KIAA1958: variants seen among roughly 807,000 people sequenced by gnomAD.
KIAA1958 encodes the protein KIAA1958.
KIAA1958 carries 14 observed loss-of-function variants against 47.2 expected under a neutral mutation model. That is an observed-to-expected ratio of 0.30 (90% CI 0.20 to 0.46). KIAA1958 has a LOEUF of 0.46. Among genes scored for constraint, KIAA1958 ranks in the 20% least tolerant of loss-of-function variants. The pLI is 1.00. For missense variants in KIAA1958, 803 were observed against 909.2 expected (o/e 0.88, Z 1.50); for synonymous variants, 354 against 353.3 (o/e 1.00, Z -0.02).
chr9:112,668,229 T>C lies in KIAA1958; in HGVS notation c.*8160T>C, dbSNP rs974428121. The C allele has an allele frequency of 6.6e-6, 1 of 152,110 alleles. No homozygotes were observed. Among genetic ancestry groups the C allele is most frequent in the African/African-American group, 2.4e-5 (1 of 41,402 alleles). 9.4% of individuals were successfully genotyped at this position (152,110 alleles called of 1,614,324 possible). On this transcript the variant is annotated 3_prime_UTR_variant, in exon 4 of 4. Transcript: ENST00000337530. ...CTGAAGCCCATGTGCTTCTCCATGC[T>C]CAAACGCAGAACTAAAAATGGGTAT...
Position 112,659,460 on chromosome 9 carries a change from G to A in KIAA1958, c.1542G>A (p.Leu514=), listed in dbSNP as rs771613434. 3.1e-6 allele frequency: 5 copies of A among 1,614,040 alleles called. No homozygotes were observed. The South Asian group carries it at 5.5e-5, about 18-fold the overall frequency. ...CCACCAAGAAACTCAAGGAGAAGCT[G>A]TGGGTGCTGAGTAAGGCAGGCATGT... ...SSSTKKLKEK[L]WVLSKAGMSG... The change falls in exon 4 of 4, where the codon CTG becomes CTA. Residue 514 remains leucine, a synonymous_variant. Coordinates refer to ENST00000337530, the MANE Select transcript of KIAA1958 (RefSeq NM_133465.4).
At chr9:112,570,587 TATCAC>T (rs1198430162) in intron 1 of KIAA1958, among the ~76,000 whole-genome samples, 1 of 152,230 alleles carries the variant, frequency 6.6e-6, no homozygotes, top group South Asian at 2.1e-4. Flanking sequence ...ATATTTAACT[TATCAC>T]AGCCCTTTTG....
At chr9:112,535,589 T>C (rs1032574789) in intron 1 of KIAA1958, among the ~76,000 whole-genome samples, 1 of 152,204 alleles carries the variant, frequency 6.6e-6, no homozygotes, top group Non-Finnish European at 1.5e-5. Context: ...TTCCTTTGGA[T>C]ATATGCCCAG....
chr9:112,639,810 G>A (rs1175343946), intron 2 of KIAA1958, among the ~76,000 whole-genome samples: 1 of 151,966 alleles, frequency 6.6e-6, no homozygotes, highest in Non-Finnish European at 1.5e-5. Flanking sequence ...CACATACTGT[G>A]GTATAAATGT....
At position 112,614,217 on chromosome 9, in the gene KIAA1958, CTA is replaced by C. The variant is rs540492352; in HGVS notation, c.1172-31431_1172-31430del. Among the ~76,000 whole-genome samples the C allele has an allele frequency of 3.0e-3, 456 of 151,910 alleles. 4 individuals are homozygous for C. Among genetic ancestry groups the C allele is most frequent in the Non-Finnish European group, 5.3e-3 (359 of 67,944 alleles). On this transcript the variant is annotated intron_variant, in intron 2 of 3. Transcript: ENST00000337530. ...TGTTACAATAATAGGCCAAACAAAA[CTA>C]TGATGTTTCAAGTCAGGAGAGCGGG...
intron 2 of KIAA1958, among the ~76,000 whole-genome samples, chr9:112,605,444 C>G (rs1450022695): frequency 1.3e-5 from 2 of 152,160 alleles, no homozygotes; most frequent in Non-Finnish European, 2.9e-5. Flanking sequence ...GAGAATATTT[C>G]ATACCAGGTC....
At chr9:112,656,278 G>A (rs1478102356) in intron 3 of KIAA1958, among the ~76,000 whole-genome samples, 1 of 150,982 alleles carries the variant, frequency 6.6e-6, no homozygotes, top group African/African-American at 2.4e-5. Flanking sequence ...GGAGGCTGAG[G>A]CAGGAGAATC....
Position 112,644,041 on chromosome 9 carries a change from AGTG to A in KIAA1958, c.1172-1603_1172-1601del, listed in dbSNP as rs1490920372. Among the ~76,000 whole-genome samples the A allele has an allele frequency of 8.6e-5, 13 of 152,018 alleles. No homozygotes were observed. In the East Asian group the frequency reaches 2.5e-3, roughly 29 times the overall value. On this transcript the variant is annotated intron_variant, in intron 2 of 3. Coordinates refer to ENST00000337530, the MANE Select transcript of KIAA1958 (RefSeq NM_133465.4). The stretch of plus-strand genomic sequence containing the variant: ...AAAAATACAAAAATTAGCCGGGCGT[AGTG>A]GTGGTCACCAGGAGTCGCAGCTACT...
rs148131501 is a variant in KIAA1958, at chr9:112,586,643, T to C, written c.1171+11392T>C. 7.1e-4 allele frequency among the ~76,000 whole-genome samples: 108 copies of C among 152,348 alleles called. 1 individual carries two copies. The highest frequency in any genetic ancestry group is 2.5e-3 in the African/African-American group (106 of 41,584). On this transcript the variant is annotated intron_variant, in intron 2 of 3. Transcript: ENST00000337530. Reference sequence around the variant, plus strand: ...AAAAACTATATTATTTAGATGTATTTAAAGTTTGCCTGTGTATGATTAAGA... The same window carrying C: ...AAAAACTATATTATTTAGATGTATTCAAAGTTTGCCTGTGTATGATTAAGA...
In KIAA1958 at chr9:112,528,184, T is replaced by C. The variant is rs59740627; in HGVS notation, c.-25+41066T>C. Among the ~76,000 whole-genome samples the C allele has an allele frequency of 4.2e-3, 646 of 152,290 alleles. 4 individuals carry two copies. The highest frequency in any genetic ancestry group is 0.015 in the African/African-American group (609 of 41,552). ...AATCAAAGTCACCCATCTTACCATA[T>C]CCACCTCATTGTTCCTCTAAAAAGC... On this transcript the variant is annotated intron_variant, in intron 1 of 3. Coordinates refer to ENST00000337530, the MANE Select transcript of KIAA1958 (RefSeq NM_133465.4).
At chr9:112,617,802 C>T (rs1007000167) in intron 2 of KIAA1958, 24 of 1,211,276 alleles carry the variant, frequency 2.0e-5, no homozygotes, top group Non-Finnish European at 2.4e-5. Flanking sequence ...AACTTTATTT[C>T]AGAGTAGAAA....
intron 2 of KIAA1958, among the ~76,000 whole-genome samples, chr9:112,624,250 TG>T (rs1468830591): frequency 6.6e-6 from 1 of 152,276 alleles, no homozygotes; most frequent in African/African-American, 2.4e-5. Context: ...GATATGTCTC[TG>T]TACATCTACC....
intron 1 of KIAA1958, among the ~76,000 whole-genome samples, chr9:112,553,015 C>T (rs1391109766): frequency 1.3e-5 from 2 of 152,024 alleles, no homozygotes; most frequent in South Asian, 2.1e-4. Context: ...GTACTCACCC[C>T]GGGTTAGATC....
At chr9:112,622,918 C>T (rs894703189) in intron 2 of KIAA1958, among the ~76,000 whole-genome samples, 11 of 152,160 alleles carry the variant, frequency 7.2e-5, no homozygotes, top group African/African-American at 2.7e-4. Flanking sequence ...AGTCCCTGCT[C>T]TCAAAGAATT....
At chr9:112,615,059 C>T (rs1024082122) in intron 2 of KIAA1958, among the ~76,000 whole-genome samples, 12 of 152,154 alleles carry the variant, frequency 7.9e-5, no homozygotes, top group Admixed American at 3.3e-4. Flanking sequence ...AATTGACACC[C>T]AAAGGTTTTT....
At chr9:112,536,630 G>T (rs577376424) in intron 1 of KIAA1958, among the ~76,000 whole-genome samples, 1 of 152,160 alleles carries the variant, frequency 6.6e-6, no homozygotes, top group East Asian at 1.9e-4. Context: ...AAAATAAATG[G>T]ATACTACTTG....
intron 2 of KIAA1958, among the ~76,000 whole-genome samples, chr9:112,611,092 A>G (rs1243524643): frequency 6.6e-6 from 1 of 152,178 alleles, no homozygotes; most frequent in Non-Finnish European, 1.5e-5. Context: ...GATCCATATC[A>G]ATATATCTGT....
At chr9:112,617,715 G>A (rs1306467460) in intron 2 of KIAA1958, among the ~76,000 whole-genome samples, 1 of 152,136 alleles carries the variant, frequency 6.6e-6, no homozygotes, top group Non-Finnish European at 1.5e-5. Context: ...CTATTATAAT[G>A]TGACAGGTAT....
intron 1 of KIAA1958, among the ~76,000 whole-genome samples, chr9:112,492,533 A>G (rs1833986804): frequency 1.3e-5 from 2 of 152,184 alleles, no homozygotes; most frequent in South Asian, 4.1e-4. Context: ...CCTTTCATGC[A>G]TGTATACCTA....
Sources: gnomAD v4.1 joint callset for allele counts (sites outside exome capture counted in the v4.1 genomes callset) on GRCh38, gnomAD v4.1.1 for gene constraint, MANE v1.5 for transcripts, NCBI Gene and HGNC (gene_info 2026-07-23, HGNC 2026-07-21) for gene names.